TTC33: variants seen among roughly 807,000 people sequenced by gnomAD.
TTC33 encodes tetratricopeptide repeat domain 33, also known as tetratricopeptide repeat protein 33.
Under a neutral mutation model 29.4 loss-of-function variants are expected in TTC33, and 24 were observed. The observed-to-expected ratio is 0.82, with a 90% CI of 0.59 to 1.15. TTC33 has a LOEUF of 1.15. Among genes scored for constraint, TTC33 ranks in the 50% most tolerant of loss-of-function variants. The pLI is 0.00. For synonymous variants in TTC33, 107 were observed against 100.3 expected, an observed-to-expected ratio of 1.07 and a Z score of -0.40; for missense variants, 286 against 310.4, an observed-to-expected ratio of 0.92 and a Z score of 0.59.
chr5:40,732,764 A>G (rs945923361), intron 2 of TTC33, among the ~76,000 whole-genome samples: 2 of 152,048 alleles, frequency 1.3e-5, no homozygotes, highest in African/African-American at 4.8e-5. Flanking sequence ...ACATGCCACC[A>G]CACCTGGCTA....
intron 1 of TTC33, among the ~76,000 whole-genome samples, chr5:40,754,491 G>A (rs1487446787): frequency 1.3e-5 from 2 of 152,072 alleles, no homozygotes; most frequent in Non-Finnish European, 2.9e-5. Context: ...GAGAAAAAGG[G>A]AAAAGACTAA....
intron 2 of TTC33, among the ~76,000 whole-genome samples, chr5:40,731,181 G>A (rs1178531580): frequency 1.3e-5 from 2 of 152,148 alleles, no homozygotes; most frequent in Non-Finnish European, 2.9e-5. Context: ...AAAGGTAGCA[G>A]TAATAAATTC....
At chr5:40,744,638 A>C in intron 2 of TTC33, among the ~76,000 whole-genome samples, 1 of 152,154 alleles carries the variant, frequency 6.6e-6, no homozygotes. Flanking sequence ...GGATGATCTG[A>C]AGTGTATTCT....
intron 2 of TTC33, among the ~76,000 whole-genome samples, chr5:40,737,498 G>A (rs945057598): frequency 1.3e-5 from 2 of 152,168 alleles, no homozygotes; most frequent in Non-Finnish European, 1.5e-5. Flanking sequence ...AAGACATCAT[G>A]AACACATATA....
intron 4 of TTC33, among the ~76,000 whole-genome samples, chr5:40,726,105 T>C (rs986285835): frequency 4.0e-5 from 6 of 151,286 alleles, no homozygotes; most frequent in Admixed American, 1.3e-4. Flanking sequence ...TATTCTCTCA[T>C]CCTTCCACTT....
At chr5:40,722,468 T>G (rs1182108591) in intron 4 of TTC33, among the ~76,000 whole-genome samples, 1 of 150,238 alleles carries the variant, frequency 6.7e-6, no homozygotes, top group Non-Finnish European at 1.5e-5. Flanking sequence ...GAGGAGCCTC[T>G]CTGCCTGGCG....
rs983075128 is a variant in TTC33 at position 40,721,292 on chromosome 5, G to A, written c.436-4794C>T. ...TCCCTGAGCTGGGCACAAAGTAAATGGACAAAATCAATTTTAGAAGTAAGA... is the reference window on the plus strand; with the variant it reads ...TCCCTGAGCTGGGCACAAAGTAAATAGACAAAATCAATTTTAGAAGTAAGA... On this transcript the variant is annotated intron_variant, in intron 4 of 4. Transcript: ENST00000337702. 2.0e-5 allele frequency among the ~76,000 whole-genome samples: 3 copies of A among 152,036 alleles called. No homozygotes were observed. In the South Asian group the frequency reaches 6.2e-4, roughly 31 times the overall value.
intron 4 of TTC33, among the ~76,000 whole-genome samples, chr5:40,721,598 A>T (rs1272806264): frequency 6.6e-6 from 1 of 152,106 alleles, no homozygotes; most frequent in African/African-American, 2.4e-5. Context: ...CCATAAACAA[A>T]AGTCAACTCC....
Position 40,715,452 on chromosome 5 carries a change from A to G in TTC33, c.*693T>C, listed in dbSNP as rs2111856902. On this transcript the variant is annotated 3_prime_UTR_variant, in exon 5 of 5. Transcript: ENST00000337702. ...TTACTTACTGTAACAATTAAAAAATAAAACCATCATTCTCATATTTATCAA... is the reference window on the plus strand; with the variant it reads ...TTACTTACTGTAACAATTAAAAAATGAAACCATCATTCTCATATTTATCAA... 6.6e-6 allele frequency: 1 copy of G among 152,440 alleles called. No individual in the cohort carries two copies. Among genetic ancestry groups the G allele is most frequent in the East Asian group, 1.9e-4 (1 of 5,330 alleles). The allele number at this position is 152,440 out of a possible 1,614,324, so 9.4% of individuals were successfully genotyped here.
At chr5:40,745,653 C>G (rs1307533538) in intron 2 of TTC33, among the ~76,000 whole-genome samples, 1 of 151,320 alleles carries the variant, frequency 6.6e-6, no homozygotes, top group African/African-American at 2.4e-5. Flanking sequence ...CCTCTCAAAG[C>G]ACAGAAATTA....
At chr5:40,722,703 C>T (rs1260210355) in intron 4 of TTC33, among the ~76,000 whole-genome samples, 6 of 151,398 alleles carry the variant, frequency 4.0e-5, no homozygotes, top group African/African-American at 7.3e-5. Context: ...GGAGCGTCTC[C>T]GCCCGGCCAG....
chr5:40,724,045 A>T (rs1434124881), intron 4 of TTC33, among the ~76,000 whole-genome samples: 1 of 152,248 alleles, frequency 6.6e-6, no homozygotes, highest in Non-Finnish European at 1.5e-5. Flanking sequence ...TATCCAAAAG[A>T]ATCAAGATCT....
In TTC33 at chr5:40,736,063, T is replaced by C. The variant is rs188993598; in HGVS notation, c.222-5720A>G. Among the ~76,000 whole-genome samples, 3 of 152,172 alleles carry C rather than the reference T, an allele frequency of 2.0e-5. No individual in the cohort carries two copies. The East Asian group carries it at 5.8e-4, about 29-fold the overall frequency. On this transcript the variant is annotated intron_variant, in intron 2 of 4. Coordinates refer to ENST00000337702, the MANE Select transcript of TTC33 (RefSeq NM_012382.3). The stretch of plus-strand genomic sequence containing the variant: ...AAAGAAGAAACAGATTATATAAAAA[T>C]GAGAGGACAATTTCAGAACAACGTT...
At chr5:40,732,874 C>T (rs1237910014) in intron 2 of TTC33, among the ~76,000 whole-genome samples, 2 of 152,266 alleles carry the variant, frequency 1.3e-5, no homozygotes, top group East Asian at 1.9e-4. Context: ...TCCCAAAGTG[C>T]TGGGATTATA....
chr5:40,733,830 A>G (rs1742488479), intron 2 of TTC33, among the ~76,000 whole-genome samples: 1 of 152,234 alleles, frequency 6.6e-6, no homozygotes. Context: ...TAAGAGGTTC[A>G]AGGTGACAAT....
intron 3 of TTC33, among the ~76,000 whole-genome samples, chr5:40,729,295 A>G (rs1248202268): frequency 2.0e-5 from 3 of 152,196 alleles, no homozygotes; most frequent in Non-Finnish European, 4.4e-5. Flanking sequence ...TGTGTGTCCT[A>G]TATTTGAGAT....
chr5:40,731,563 G>A (rs960529119), intron 2 of TTC33, among the ~76,000 whole-genome samples: 6 of 152,326 alleles, frequency 3.9e-5, no homozygotes, highest in South Asian at 2.1e-4. Flanking sequence ...AGAAATGAGC[G>A]CTGAGCAAAC....
chr5:40,712,712 G>A lies in TTC33; in HGVS notation c.*3433C>T, dbSNP rs1232452045. 6.6e-6 allele frequency among the ~76,000 whole-genome samples: 1 copy of A among 152,144 alleles called. No homozygotes were observed. The highest frequency in any genetic ancestry group is 1.5e-5 in the Non-Finnish European group (1 of 68,018). ...GGGAAAAAAGAGGCTAGCATGCCCA[G>A]TTCTATATCTTAAACTCCCTCCTTT... On this transcript the variant is annotated 3_prime_UTR_variant, in exon 5 of 5. Transcript: ENST00000337702.
intron 3 of TTC33, among the ~76,000 whole-genome samples, chr5:40,729,215 A>G (rs961917836): frequency 1.3e-5 from 2 of 152,214 alleles, no homozygotes; most frequent in East Asian, 1.9e-4. Context: ...GAAGGTCCTC[A>G]TATCACTTGA....
Sources: gnomAD v4.1 joint callset for allele counts (sites outside exome capture counted in the v4.1 genomes callset) on GRCh38, gnomAD v4.1.1 for gene constraint, MANE v1.5 for transcripts, NCBI Gene and HGNC (gene_info 2026-07-23, HGNC 2026-07-21) for gene names.